Variants in ZNF48 observed in about 807,000 individuals in gnomAD.
ZNF48 encodes the protein zinc finger protein 48.
A neutral mutation model predicts 40.0 loss-of-function variants in ZNF48; 20 were observed. The observed-to-expected ratio is 0.50, with a 90% CI of 0.35 to 0.73. The LOEUF is 0.73. ZNF48 is among the 30% of genes least tolerant of loss of function. The pLI is 0.01. For missense variants in ZNF48, 726 were observed against 851.9 expected (o/e 0.85, Z 1.84); for synonymous variants, 298 against 329.7 (o/e 0.90, Z 1.04).
intron 1 of ZNF48, among the ~76,000 whole-genome samples, chr16:30,388,035 C>T (rs1393918519): frequency 6.6e-6 from 1 of 151,290 alleles, no homozygotes; most frequent in Admixed American, 6.6e-5. Flanking sequence ...GGCGCGATCT[C>T]GGCTCACCAC....
In ZNF48 at chr16:30,381,512, G is replaced by A. The variant is rs374356995; in HGVS notation, c.-16+3102G>A. The stretch of plus-strand genomic sequence containing the variant: ...GAGGATGTGAGGTCAGAGATCAAAG[G>A]CCAGAGGGCAGGGGGCAAGGCTAGC... On this transcript the variant is annotated intron_variant, in intron 1 of 2. Coordinates refer to the ZNF48 transcript ENST00000528032. The surrounding 1 kb of genome is among the most constrained non-coding windows in gnomAD (Gnocchi z 4.3). The A allele has an allele frequency of 1.9e-5, 30 of 1,611,680 alleles. No homozygotes were observed. Among genetic ancestry groups the A allele is most frequent in the Non-Finnish European group, 2.2e-5 (26 of 1,178,366 alleles).
rs763637023 is a variant in ZNF48, at chr16:30,378,975, G to A, written c.-16+565G>A. On this transcript the variant is annotated intron_variant, in intron 1 of 2. Transcript: ENST00000528032. ...TCCTCAGGGCGGGGTCATGGGTGAG[G>A]CGGGACCTTGGAGGCTCTGATACTG... 7 of 1,586,976 alleles carry A rather than the reference G, an allele frequency of 4.4e-6. No homozygotes were observed. In the Admixed American group the frequency reaches 5.2e-5, roughly 12 times the overall value.
chr16:30,378,847 A>AGAGAGGGGGAGAGAGGGAGAGGGG, intron 1 of ZNF48: 4 of 530,494 alleles, frequency 7.5e-6, no homozygotes, highest in East Asian at 6.8e-5. Context: ...GCGGGTGGGG[A>AGAGAGGGGGAGAGAGGGAGAGGGG]GAGAGGGGGA....
rs1482484011 is a variant in ZNF48, at chr16:30,399,443, CT to C, written c.*339del. The C allele has an allele frequency of 1.9e-5, 4 of 207,904 alleles. No individual in the cohort carries two copies. Among genetic ancestry groups the C allele is most frequent in the Non-Finnish European group, 3.9e-5 (4 of 103,394 alleles). 12.9% of individuals were successfully genotyped at this position (207,904 alleles called of 1,614,324 possible). A position where few individuals can be genotyped will look rare whatever the true frequency, so the allele number is the denominator to read the frequency against. ...CTGCCTCATCTGTTAAGAACTGACACTTTCCCCTTGCTGGGCAGGTAGTACA... is the reference window on the plus strand; with the variant it reads ...CTGCCTCATCTGTTAAGAACTGACACTTCCCCTTGCTGGGCAGGTAGTACA... On this transcript the variant is annotated 3_prime_UTR_variant, in exon 3 of 3. Transcript: ENST00000613509.
chr16:30,378,558 G>A (rs1357133495), intron 1 of ZNF48: 2 of 1,605,914 alleles, frequency 1.2e-6, no homozygotes, highest in Non-Finnish European at 1.7e-6. Context: ...ACCTGGCGAA[G>A]CCAGAGGGGG....
At position 30,398,193 on chromosome 16, in the gene ZNF48, G is replaced by A. The variant is rs2050008138; in HGVS notation, c.943G>A (p.Gly315Arg). The change falls in exon 3 of 3, where the codon GGA (glycine) becomes AGA (arginine). Residue 315 changes from glycine (G) to arginine (R), a missense_variant. Gly to Arg is a moderately radical substitution (Grantham distance 125). This residue lies in a region of ZNF48 where 378 missense variants were observed against 449.1 expected (regional missense o/e 0.84). Transcript: ENST00000613509. This position sits in a 1 kb window ranked among gnomAD's most constrained non-coding sequence, Gnocchi z 6.6. ...TGTGTGTGGAAAGGAGTTTGCCCGG[G>A]GATCCGACCTGGTGAAGCACCTGCG... Reference protein sequence around the residue: ...CDVCGKEFARGSDLVKHLRVH... With the variant: ...CDVCGKEFARRSDLVKHLRVH... 6.2e-7 allele frequency: 1 copy of A among 1,613,736 alleles called. No individual in the cohort carries two copies. The highest frequency in any genetic ancestry group is 2.2e-5 in the East Asian group (1 of 44,828).
rs552157633 is a variant in ZNF48, at chr16:30,381,672, T to C, written c.-16+3262T>C. ...CTGAAACAGACACCACCTTTTGAGATAGGGAGCCAGCACAAACCAGTCCTG... is the reference window on the plus strand; with the variant it reads ...CTGAAACAGACACCACCTTTTGAGACAGGGAGCCAGCACAAACCAGTCCTG... On this transcript the variant is annotated intron_variant, in intron 1 of 2. Transcript: ENST00000528032. This position sits in a 1 kb window ranked among gnomAD's most constrained non-coding sequence, Gnocchi z 4.3. The C allele has an allele frequency of 1.6e-4, 255 of 1,562,772 alleles. No individual in the cohort carries two copies. Among genetic ancestry groups the C allele is most frequent in the Non-Finnish European group, 2.1e-4 (237 of 1,154,090 alleles).
In ZNF48 at chr16:30,382,565, C is replaced by T; in HGVS notation, c.-16+4155C>T. 3 of 1,584,110 alleles carry T rather than the reference C, an allele frequency of 1.9e-6. No homozygotes were observed. In the South Asian group the frequency reaches 3.4e-5, roughly 18 times the overall value. On this transcript the variant is annotated intron_variant, in intron 1 of 2. Coordinates refer to the ZNF48 transcript ENST00000528032. The surrounding 1 kb of genome is among the most constrained non-coding windows in gnomAD (Gnocchi z 4.8). ...CATCACTGCACCTGCCGTCTCTCCC[C>T]ACTTCCTCTGGTGGGGCAGGAAGCT...
In ZNF48 at chr16:30,382,272, G is replaced by A; in HGVS notation, c.-16+3862G>A. 1 of 1,613,650 alleles carries A rather than the reference G, an allele frequency of 6.2e-7. No individual in the cohort carries two copies. The highest frequency in any genetic ancestry group is 8.5e-7 in the Non-Finnish European group (1 of 1,179,688). The stretch of plus-strand genomic sequence containing the variant: ...CGCAGTTCCCTCTCCAAAACCCCCA[G>A]ACCTGCCACCATTAGCGTGAAGTCA... On this transcript the variant is annotated intron_variant, in intron 1 of 2. Coordinates refer to the ZNF48 transcript ENST00000528032. This position sits in a 1 kb window ranked among gnomAD's most constrained non-coding sequence, Gnocchi z 4.8.
chr16:30,397,762 G>A lies in ZNF48; in HGVS notation c.512G>A (p.Arg171Gln), dbSNP rs2050001798. Residue 171 changes from arginine (R) to glutamine (Q), a missense_variant, in exon 3 of 3, where the codon CGG becomes CAG. Physicochemically the swap from Arg to Gln is conservative, Grantham distance 43. Around this residue, in one of 5 missense-constraint regions of ZNF48, gnomAD observed 378 missense variants for 449.1 expected, o/e 0.84. Transcript: ENST00000613509. This position sits in a 1 kb window ranked among gnomAD's most constrained non-coding sequence, Gnocchi z 4.1. ...THSGEKPYRA[R>Q]PPAQGPPKIP... Reference sequence around the variant, plus strand: ...AGTGGGGAGAAGCCCTATAGAGCCCGGCCACCAGCCCAGGGTCCCCCAAAG... The same window carrying A: ...AGTGGGGAGAAGCCCTATAGAGCCCAGCCACCAGCCCAGGGTCCCCCAAAG... 11 of 1,613,294 alleles carry A rather than the reference G, an allele frequency of 6.8e-6. No individual in the cohort carries two copies. The highest frequency in any genetic ancestry group is 9.3e-6 in the Non-Finnish European group (11 of 1,179,912).
intron 1 of ZNF48, chr16:30,379,459 G>A (rs371117855): frequency 2.9e-5 from 47 of 1,613,662 alleles, no homozygotes; most frequent in Non-Finnish European, 3.7e-5. Flanking sequence ...CAGGAGTAGC[G>A]GCGTCCCCTC....
chr16:30,393,057 C>T (rs1003071541), upstream of ZNF48, among the ~76,000 whole-genome samples: 6 of 152,050 alleles, frequency 3.9e-5, no homozygotes, highest in Non-Finnish European at 5.9e-5. Flanking sequence ...CCCACACTAT[C>T]GTGAATTGGT....
chr16:30,387,467 A>T (rs1229465870), intron 1 of ZNF48, among the ~76,000 whole-genome samples: 2 of 147,344 alleles, frequency 1.4e-5, no homozygotes, highest in African/African-American at 4.9e-5. Context: ...AGGCAGGAGA[A>T]TCACTTGAAC....
intron 1 of ZNF48, among the ~76,000 whole-genome samples, chr16:30,386,165 G>C (rs2049899115): frequency 6.6e-6 from 1 of 151,970 alleles, no homozygotes; most frequent in African/African-American, 2.4e-5. Context: ...TGTTGCCCCA[G>C]CTAGTTGGGA....
At chr16:30,392,868 T>C (rs2049953172), upstream of ZNF48, among the ~76,000 whole-genome samples, 2 of 152,154 alleles carry the variant, frequency 1.3e-5, no homozygotes, top group Admixed American at 6.6e-5. Context: ...CCATATCCTA[T>C]TGGGCCAAGA....
chr16:30,379,189 G>A (rs745646718), intron 1 of ZNF48: 2 of 1,613,442 alleles, frequency 1.2e-6, no homozygotes, highest in South Asian at 1.1e-5. Context: ...CTCCACTGGA[G>A]GGGGGGCGGC....
upstream of ZNF48, among the ~76,000 whole-genome samples, chr16:30,392,285 A>G (rs1028273211): frequency 2.6e-5 from 4 of 152,090 alleles, no homozygotes; most frequent in East Asian, 1.9e-4. Context: ...GGCATCCCAA[A>G]GTGCTGGGAT....
intron 1 of ZNF48, among the ~76,000 whole-genome samples, chr16:30,390,159 A>G (rs2049931852): frequency 6.6e-6 from 1 of 151,942 alleles, no homozygotes. Context: ...ATGTCTTCAC[A>G]GTTACCTCTT....
At position 30,395,644 on chromosome 16, in the gene ZNF48, G is replaced by A; in HGVS notation, c.-16+66G>A. ...AGGGGCGGCCGGCGGCGCGGGCAGGGGGCACCGGGAGCCGCGCCCGTACCT... is the reference window on the plus strand; with the variant it reads ...AGGGGCGGCCGGCGGCGCGGGCAGGAGGCACCGGGAGCCGCGCCCGTACCT... On this transcript the variant is annotated intron_variant, in intron 1 of 2. Transcript: ENST00000613509. The surrounding 1 kb of genome is among the most constrained non-coding windows in gnomAD (Gnocchi z 5.9). The A allele has an allele frequency of 1.9e-6, 1 of 526,716 alleles. No individual in the cohort carries two copies. The highest frequency in any genetic ancestry group is 2.7e-6 in the Non-Finnish European group (1 of 375,332). The allele number at this position is 526,716 out of a possible 1,614,324, so 32.6% of individuals were successfully genotyped here.
Sources: allele counts gnomAD v4.1 joint callset (sites outside exome capture counted in the v4.1 genomes callset), GRCh38; gene constraint gnomAD v4.1.1; regional missense constraint gnomAD v4.1.1; non-coding constraint Gnocchi (gnomAD v3.1); transcripts MANE v1.5; gene names NCBI Gene and HGNC (gene_info 2026-07-23, HGNC 2026-07-21).